Variants in ETAA1 observed in about 807,000 individuals in gnomAD.
ETAA1 encodes the protein ewing's tumor-associated antigen 1.
ETAA1 carries 49 observed loss-of-function variants against 76.8 expected under a neutral mutation model. That is an observed-to-expected ratio of 0.64 (90% confidence interval 0.51 to 0.81). The LOEUF (loss-of-function observed/expected upper bound fraction) is 0.81. ETAA1 is among the 30% of genes least tolerant of loss of function. ETAA1 has a pLI of 0.00. For missense variants in ETAA1, 1,099 were observed against 1,074.0 expected (o/e 1.02, Z -0.32); for synonymous variants, 373 against 372.2 (o/e 1.00, Z -0.03).
Position 67,403,415 on chromosome 2 carries a change from C to T in ETAA1, c.733C>T (p.Pro245Ser), listed in dbSNP as rs1258347306. The change falls in exon 5 of 6, where the codon CCC becomes TCC. Residue 245 changes from proline (P) to serine (S), a missense_variant. Transcript: ENST00000272342. ...GATGTGGTCATTACATAATATAGTT[C>T]CCGAAATAGATAATGCTACAAAAAA... ...IQMWSLHNIV[P>S]EIDNATKKPI... 2 of 1,609,548 alleles carry T rather than the reference C, an allele frequency of 1.2e-6. No individual in the cohort carries two copies. The highest frequency in any genetic ancestry group is 1.7e-6 in the Non-Finnish European group (2 of 1,176,486).
rs974256535 is a variant in ETAA1 at position 67,411,181 on chromosome 2, G to T, written c.*1143G>T. 6.6e-6 allele frequency: 1 copy of T among 151,852 alleles called. No individual in the cohort carries two copies. The highest frequency in any genetic ancestry group is 2.4e-5 in the African/African-American group (1 of 41,350). 9.4% of individuals were successfully genotyped at this position (151,852 alleles called of 1,614,324 possible). A position where few individuals can be genotyped will look rare whatever the true frequency, so the allele number is the denominator to read the frequency against. ...CCAGTAATAGAAGTCCAACTAGAGG[G>T]CGTAAGGCAGGGAGGATGCTTTATT... On this transcript the variant is annotated 3_prime_UTR_variant, in exon 6 of 6. Coordinates refer to ENST00000272342, the MANE Select transcript of ETAA1 (RefSeq NM_019002.4).
chr2:67,403,166 T>TAC, intron 4 of ETAA1, 59 bp from the exon 5 acceptor site: 2 of 1,245,416 alleles, frequency 1.6e-6, no homozygotes, highest in South Asian at 3.3e-5. Context: ...ATATGTTAAA[T>TAC]AACAGTTGGA....
In ETAA1 at chr2:67,410,259, A is replaced by AAGTT; in HGVS notation, c.*224_*227dup. 2.1e-6 allele frequency: 1 copy of AAGTT among 479,036 alleles called. No individual in the cohort carries two copies. Among genetic ancestry groups the AAGTT allele is most frequent in the Non-Finnish European group, 3.6e-6 (1 of 275,116 alleles). The allele number at this position is 479,036 out of a possible 1,614,324, so 29.7% of individuals were successfully genotyped here. On this transcript the variant is annotated 3_prime_UTR_variant, in exon 6 of 6. Coordinates refer to ENST00000272342, the MANE Select transcript of ETAA1 (RefSeq NM_019002.4). The stretch of plus-strand genomic sequence containing the variant: ...ATACAAAAGTTTTGGAAATTCAGGA[A>AAGTT]AGTTAGCAATTATGTACGGATATTA...
At chr2:67,406,387 G>A (rs975628934) in intron 5 of ETAA1, among the ~76,000 whole-genome samples, 1 of 151,962 alleles carries the variant, frequency 6.6e-6, no homozygotes, top group Non-Finnish European at 1.5e-5. Context: ...TCTCACAGAG[G>A]CCTTCCTTGA....
At position 67,404,230 on chromosome 2, in the gene ETAA1, A is replaced by G. The variant is rs1169081628; in HGVS notation, c.1548A>G (p.Glu516=). 1.9e-6 allele frequency: 3 copies of G among 1,612,276 alleles called. No individual in the cohort carries two copies. The highest frequency in any genetic ancestry group is 2.5e-6 in the Non-Finnish European group (3 of 1,179,202). Residue 516 remains glutamate (E), a synonymous_variant, in exon 5 of 6, where the codon GAA becomes GAG. Coordinates refer to ENST00000272342, the MANE Select transcript of ETAA1 (RefSeq NM_019002.4). ...AAGATATTCTTACTAACTCTACTGA[A>G]GCTTCTGAAAGGAAGTCAGCTTTGA... is the stretch of plus-strand genomic sequence containing the variant. ...IKEDILTNST[E]ASERKSALNT... is the part of the protein sequence containing the mutation.
intron 1 of ETAA1, 148 bp downstream of exon 1, chr2:67,397,819 A>T: frequency 6.3e-6 from 5 of 788,336 alleles, no homozygotes; most frequent in Non-Finnish European, 8.0e-6. Flanking sequence ...AAATAATCCT[A>T]TACCACTCCC....
chr2:67,399,679 T>C (rs1675999729), intron 3 of ETAA1, 53 bp downstream of exon 3: 1 of 1,211,508 alleles, frequency 8.3e-7, no homozygotes. Context: ...AATGTGCCAC[T>C]AAGTTTTTGT....
intron 2 of ETAA1, 118 bp downstream of exon 2, chr2:67,399,415 C>A: frequency 8.6e-7 from 1 of 1,160,496 alleles, no homozygotes; most frequent in South Asian, 1.4e-5. Flanking sequence ...ATGATTTTAT[C>A]TGTATAAGTA....
Position 67,404,069 on chromosome 2 carries a change from T to C in ETAA1, c.1387T>C (p.Phe463Leu). The change falls in exon 5 of 6, where the codon TTT becomes CTT. Residue 463 changes from phenylalanine to leucine, a missense_variant. Physicochemically the swap from Phe to Leu is conservative, Grantham distance 22. Coordinates refer to ENST00000272342, the MANE Select transcript of ETAA1 (RefSeq NM_019002.4). ...AGAATTAATAGATGCAGAATATAGA[T>C]TTTCACCAAATTCAAATAAATCAAA... ...DRELIDAEYR[F>L]SPNSNKSNKL... The C allele has an allele frequency of 6.3e-7, 1 of 1,599,876 alleles. No individual in the cohort carries two copies. Among genetic ancestry groups the C allele is most frequent in the Non-Finnish European group, 8.5e-7 (1 of 1,174,614 alleles).
Position 67,397,680 on chromosome 2 carries a change from T to C in ETAA1, c.223+9T>C. 1 of 1,545,314 alleles carries C rather than the reference T, an allele frequency of 6.5e-7. No homozygotes were observed. Among genetic ancestry groups the C allele is most frequent in the Non-Finnish European group, 8.7e-7 (1 of 1,146,650 alleles). On this transcript the variant is annotated intron_variant, in intron 1 of 5. Coordinates refer to ENST00000272342, the MANE Select transcript of ETAA1 (RefSeq NM_019002.4). ...TAAAAGTAACCCCGAGGGTGAGACG[T>C]CGGCAGCGCGGCCTGCCTTGGCTTC...
chr2:67,406,117 A>G (rs764481336), intron 5 of ETAA1, among the ~76,000 whole-genome samples: 2 of 152,158 alleles, frequency 1.3e-5, no homozygotes, highest in African/African-American at 2.4e-5. Context: ...TCATATTTCA[A>G]ATAAAATCCA....
rs1242913174 is a variant in ETAA1, at chr2:67,410,817, A to C, written c.*779A>C. 1 of 152,084 alleles carries C rather than the reference A, an allele frequency of 6.6e-6. No individual in the cohort carries two copies. Among genetic ancestry groups the C allele is most frequent in the African/African-American group, 2.4e-5 (1 of 41,442 alleles). The allele number at this position is 152,084 out of a possible 1,614,324, so 9.4% of individuals were successfully genotyped here. A position where few individuals can be genotyped will look rare whatever the true frequency, so the allele number is the denominator to read the frequency against. ...CATAGGCAAGTTAATGCTGTGCTAC[A>C]ATTAGAATGATTTATTTGGACACCT... On this transcript the variant is annotated 3_prime_UTR_variant, in exon 6 of 6. Transcript: ENST00000272342.
intron 1 of ETAA1, among the ~76,000 whole-genome samples, chr2:67,398,382 C>T (rs1023235110): frequency 3.4e-5 from 5 of 146,176 alleles, no homozygotes; most frequent in South Asian, 2.1e-4. Context: ...GTCGCCCAGG[C>T]TGCAGTGCAG....
At chr2:67,403,171 G>A in intron 4 of ETAA1, 54 bp from the exon 5 acceptor site, 1 of 1,270,358 alleles carries the variant, frequency 7.9e-7, no homozygotes. Flanking sequence ...TTAAATAACA[G>A]TTGGATATAA....
chr2:67,409,881 AGT>A (rs1384305017), intron 5 of ETAA1, 28 bp from the exon 6 acceptor site: 20 of 1,579,484 alleles, frequency 1.3e-5, no homozygotes, highest in Non-Finnish European at 1.7e-5. Context: ...AGGCTATAAA[AGT>A]AAAACTCATC....
chr2:67,409,580 A>G (rs187611562), intron 5 of ETAA1, among the ~76,000 whole-genome samples: 150 of 152,098 alleles, frequency 9.9e-4, no homozygotes, highest in Non-Finnish European at 1.9e-3. Context: ...TATCCTTTTT[A>G]AAGATATATT....
chr2:67,405,373 A>G (rs762248562), intron 5 of ETAA1, 38 bp downstream of exon 5: 70 of 1,447,456 alleles, frequency 4.8e-5, no homozygotes, highest in Non-Finnish European at 6.0e-5. Context: ...TTTGAAAAGC[A>G]TCTTAAAAAG....
In ETAA1 at chr2:67,404,087, A is replaced by T. The variant is rs1676134759; in HGVS notation, c.1405A>T (p.Lys469Ter). The T allele has an allele frequency of 1.9e-6, 3 of 1,595,868 alleles. No individual in the cohort carries two copies. The highest frequency in any genetic ancestry group is 2.6e-6 in the Non-Finnish European group (3 of 1,173,494). Reference sequence around the variant, plus strand: ...ATATAGATTTTCACCAAATTCAAATAAATCAAACAAATTATCCACTGGAAA... The same window carrying T: ...ATATAGATTTTCACCAAATTCAAATTAATCAAACAAATTATCCACTGGAAA... ...AEYRFSPNSN[K>*]SNKLSTGNKM... Residue 469 changes from lysine (K) to a stop codon, truncating the protein, a stop_gained, in exon 5 of 6, where the codon AAA becomes TAA. Coordinates refer to ENST00000272342, the MANE Select transcript of ETAA1 (RefSeq NM_019002.4). LOFTEE classifies it high-confidence loss of function.
chr2:67,404,922 T>A lies in ETAA1; in HGVS notation c.2240T>A (p.Ile747Lys). ...TMYSKISNCQ[I>K]NNLHVSYTNT... ...TATTCTAAGATCTCAAACTGTCAGA[T>A]AAATAATCTGCATGTGTCTTATACT... The change falls in exon 5 of 6, where the codon ATA (isoleucine) becomes AAA (lysine). Residue 747 changes from isoleucine (I) to lysine (K), a missense_variant. By Grantham distance (102) the Ile-to-Lys change is moderately radical (BLOSUM62 -3). This residue lies in a region of ETAA1 where 302 missense variants were observed against 278.1 expected (regional missense o/e 1.09). Transcript: ENST00000272342. 1.2e-6 allele frequency: 2 copies of A among 1,613,096 alleles called. No individual in the cohort carries two copies. The highest frequency in any genetic ancestry group is 1.7e-6 in the Non-Finnish European group (2 of 1,179,418).
Sources: gnomAD v4.1 joint callset for allele counts (sites outside exome capture counted in the v4.1 genomes callset) on GRCh38, gnomAD v4.1.1 for gene constraint, gnomAD v4.1.1 regional missense constraint, MANE v1.5 for transcripts, NCBI Gene and HGNC (gene_info 2026-07-23, HGNC 2026-07-21) for gene names.